Variants in EXOC4 observed in about 807,000 individuals in gnomAD.
The protein encoded by EXOC4 is SEC8-like 1.
Under a neutral mutation model 107.2 loss-of-function variants are expected in EXOC4, and 71 were observed. The ratio of observed to expected loss-of-function variants is 0.66; its 90% CI spans 0.55 to 0.81. EXOC4 has a LOEUF of 0.81. EXOC4 is among the 30% of genes least tolerant of loss of function. The probability of loss-of-function intolerance (pLI) is 0.00; values close to 1 mark genes in which losing one functional copy is unlikely to be tolerated. For synonymous variants in EXOC4, 456 were observed against 441.2 expected (o/e 1.03, Z -0.42); for missense variants, 1,108 against 1,189.6 (o/e 0.93, Z 1.01).
intron 14 of EXOC4, among the ~76,000 whole-genome samples, chr7:133,975,249 C>A (rs1793803493): frequency 6.6e-6 from 1 of 152,116 alleles, no homozygotes; most frequent in Non-Finnish European, 1.5e-5. Context: ...ATCATGCTTT[C>A]TTGACATAAA....
intron 6 of EXOC4, among the ~76,000 whole-genome samples, chr7:133,357,798 A>G (rs1796054264): frequency 1.3e-5 from 2 of 152,160 alleles, no homozygotes; most frequent in South Asian, 4.1e-4. Context: ...ATACTTTAAC[A>G]TTTCAAAAAT....
At chr7:133,259,232 CTT>C (rs1160021022) in intron 1 of EXOC4, among the ~76,000 whole-genome samples, 26 of 129,492 alleles carry the variant, frequency 2.0e-4, no homozygotes, top group Admixed American at 3.1e-4. Flanking sequence ...AGTTTAATTT[CTT>C]TTTTTTTTTT....
In EXOC4 at chr7:133,857,187, TA is replaced by T. The variant is rs1563029916; in HGVS notation, c.1735-38411del. ...ATATATATATATATATATATATATA[TA>T]TATATATATATATTTTACCTCTACT... On this transcript the variant is annotated intron_variant, in intron 11 of 17. Transcript: ENST00000253861. Among the ~76,000 whole-genome samples, 248 of 33,848 alleles carry T rather than the reference TA, an allele frequency of 7.3e-3. 27 individuals carry two copies. The highest frequency in any genetic ancestry group is 8.7e-3 in the African/African-American group (66 of 7,602). 22.2% of individuals were successfully genotyped at this position (33,848 alleles called of 152,430 possible).
intron 7 of EXOC4, among the ~76,000 whole-genome samples, chr7:133,425,727 TTC>T (rs1430816776): frequency 6.6e-6 from 1 of 152,180 alleles, no homozygotes; most frequent in African/African-American, 2.4e-5. Flanking sequence ...TTACACCTTA[TTC>T]TCTCTCAGGC....
chr7:133,917,439 T>C, intron 12 of EXOC4, 144 bp from the exon 13 acceptor site: 1 of 705,848 alleles, frequency 1.4e-6, no homozygotes, highest in Non-Finnish European at 2.3e-6. Flanking sequence ...TTAATGGGTA[T>C]CATGGACTCC....
chr7:133,812,702 G>A (rs759026572), intron 10 of EXOC4, among the ~76,000 whole-genome samples: 3 of 151,830 alleles, frequency 2.0e-5, no homozygotes, highest in Non-Finnish European at 4.4e-5. Flanking sequence ...TGGCTACATT[G>A]AGCTAAGTAA....
chr7:133,701,059 A>G (rs977061540), intron 10 of EXOC4, among the ~76,000 whole-genome samples: 1 of 152,358 alleles, frequency 6.6e-6, no homozygotes, highest in South Asian at 2.1e-4. Flanking sequence ...ATAAAAATAT[A>G]GATACGTATG....
intron 5 of EXOC4, among the ~76,000 whole-genome samples, chr7:133,343,023 A>G (rs1271824143): frequency 1.3e-5 from 2 of 151,946 alleles, no homozygotes; most frequent in Non-Finnish European, 2.9e-5. Context: ...TTTTCTGTCA[A>G]TTCAGTGATT....
intron 7 of EXOC4, among the ~76,000 whole-genome samples, chr7:133,398,498 A>G (rs1233326560): frequency 6.6e-6 from 1 of 152,080 alleles, no homozygotes; most frequent in Non-Finnish European, 1.5e-5. Flanking sequence ...CCTTTTTCCT[A>G]TTTCATGCTC....
chr7:133,506,849 G>A (rs1010891598), intron 9 of EXOC4, among the ~76,000 whole-genome samples: 2 of 151,808 alleles, frequency 1.3e-5, no homozygotes, highest in African/African-American at 4.8e-5. Context: ...TTTGACATTT[G>A]TAGTTTTTCA....
intron 17 of EXOC4, among the ~76,000 whole-genome samples, chr7:134,039,808 G>T (rs1219486142): frequency 6.6e-6 from 1 of 152,142 alleles, no homozygotes; most frequent in African/African-American, 2.4e-5. Context: ...GTCTTGGATG[G>T]TTGTTCACTC....
In EXOC4 at chr7:134,064,498, C is replaced by T. The variant is rs1796141395; in HGVS notation, c.2895C>T (p.Ala965=). ...GCGAGCAGGCTGCCATCAAGCAAGC[C>T]ACCAAGGACAAGAAGATAACTACCG... ...IICEQAAIKQ[A]TKDKKITTV The change falls in exon 18 of 18, where the codon GCC becomes GCT. Residue 965 remains alanine (A), a synonymous_variant. Transcript: ENST00000253861. 6.2e-7 allele frequency: 1 copy of T among 1,604,986 alleles called. No individual in the cohort carries two copies. Among genetic ancestry groups the T allele is most frequent in the African/African-American group, 1.3e-5 (1 of 74,646 alleles).
intron 9 of EXOC4, among the ~76,000 whole-genome samples, chr7:133,599,622 T>C (rs1430069356): frequency 6.6e-6 from 1 of 152,210 alleles, no homozygotes; most frequent in Non-Finnish European, 1.5e-5. Flanking sequence ...TTTCCATAGC[T>C]AGATGGACCT....
intron 17 of EXOC4, among the ~76,000 whole-genome samples, chr7:134,012,096 A>G (rs762393310): frequency 1.3e-5 from 2 of 152,188 alleles, no homozygotes; most frequent in African/African-American, 2.4e-5. Flanking sequence ...GGTTTGATCT[A>G]AGGAGCTGAG....
At chr7:133,637,392 G>A (rs1802738309) in intron 10 of EXOC4, among the ~76,000 whole-genome samples, 1 of 152,104 alleles carries the variant, frequency 6.6e-6, no homozygotes, top group Admixed American at 6.6e-5. Context: ...AGTTTGATGT[G>A]TACATTGATA....
At chr7:134,018,544 A>G (rs1160709175) in intron 17 of EXOC4, among the ~76,000 whole-genome samples, 1 of 152,018 alleles carries the variant, frequency 6.6e-6, no homozygotes, top group Non-Finnish European at 1.5e-5. Context: ...TGTGGCCAGC[A>G]CTCCGCTCAA....
chr7:133,331,857 T>C (rs1017997554), intron 5 of EXOC4, among the ~76,000 whole-genome samples: 3 of 152,192 alleles, frequency 2.0e-5, no homozygotes, highest in African/African-American at 7.2e-5. Flanking sequence ...AGTCTAAATA[T>C]GTAGGGCATG....
At chr7:133,793,926 C>A (rs1056418509) in intron 10 of EXOC4, among the ~76,000 whole-genome samples, 5 of 152,186 alleles carry the variant, frequency 3.3e-5, no homozygotes, top group African/African-American at 1.2e-4. Context: ...TCAGGTACCT[C>A]ACATAACTTT....
chr7:133,689,530 C>A (rs1794375178), intron 10 of EXOC4, among the ~76,000 whole-genome samples: 1 of 152,084 alleles, frequency 6.6e-6, no homozygotes, highest in Admixed American at 6.6e-5. Context: ...TCTGGCTAAA[C>A]CAACTTGATA....
Sources: allele counts gnomAD v4.1 joint callset (sites outside exome capture counted in the v4.1 genomes callset), GRCh38; gene constraint gnomAD v4.1.1; transcripts MANE v1.5; gene names NCBI Gene and HGNC (gene_info 2026-07-23, HGNC 2026-07-21).